The following VPS13B variants were observed in gnomAD, a reference collection of about 807,000 sequenced individuals.
VPS13B encodes the protein vacuolar protein sorting 13 homolog B.
In VPS13B, 285 loss-of-function variants were observed where a neutral mutation model predicts 426.4. The observed-to-expected ratio is 0.67, with a 90% CI of 0.61 to 0.74. VPS13B has a LOEUF of 0.74. Among genes scored for constraint, VPS13B ranks in the 30% least tolerant of loss-of-function variants. VPS13B has a pLI of 0.00. For missense variants in VPS13B, 4,537 were observed against 4,782.6 expected (o/e 0.95, Z 1.51); for synonymous variants, 1,676 against 1,676.4 (o/e 1.00, Z 0.01).
chr8:99,256,142 C>T (rs536095879), intron 17 of VPS13B, among the ~76,000 whole-genome samples: 59 of 152,220 alleles, frequency 3.9e-4, no homozygotes, highest in African/African-American at 1.3e-3. Context: ...TGTCTGTACC[C>T]ATTGGCCTTT....
At chr8:99,086,444 C>T (rs1396574864) in intron 3 of VPS13B, among the ~76,000 whole-genome samples, 2 of 152,104 alleles carry the variant, frequency 1.3e-5, no homozygotes, top group African/African-American at 4.8e-5. Flanking sequence ...CGTCTGAAGC[C>T]TTCTTCTCTC....
rs371406740 is a variant in VPS13B, at chr8:99,068,057, T to C, written c.292-28255T>C. Among the ~76,000 whole-genome samples, 8 of 152,326 alleles carry C rather than the reference T, an allele frequency of 5.3e-5. No individual in the cohort carries two copies. The East Asian group carries it at 1.3e-3, about 26-fold the overall frequency. On this transcript the variant is annotated intron_variant, in intron 3 of 61. Coordinates refer to ENST00000357162, the MANE Select transcript of VPS13B (RefSeq NM_152564.5). ...TTATGTAGCTCTTACGTGTATTATT[T>C]ATTTTCCGAAATATTTGTATTTTTC... is the stretch of plus-strand genomic sequence containing the variant.
At chr8:99,621,852 A>T (rs1342212775) in intron 33 of VPS13B, among the ~76,000 whole-genome samples, 1 of 113,544 alleles carries the variant, frequency 8.8e-6, no homozygotes, top group African/African-American at 3.6e-5. Flanking sequence ...TTTGAGACAG[A>T]GTCTCGCTCT....
At chr8:99,591,572 G>T (rs1288578293) in intron 33 of VPS13B, among the ~76,000 whole-genome samples, 1 of 152,010 alleles carries the variant, frequency 6.6e-6, no homozygotes, top group South Asian at 2.1e-4. Context: ...CTCAGCATTT[G>T]CTTGTCTGTA....
chr8:99,217,053 GTTTTCTGTTTACTCTTTTCATTA>G (rs1187954832), intron 17 of VPS13B, among the ~76,000 whole-genome samples: 2 of 151,618 alleles, frequency 1.3e-5, no homozygotes, highest in African/African-American at 2.4e-5. Flanking sequence ...AAAATGTTGT[GTTTTCTGTTTACTCTTTTCATTA>G]TTTTCTGTTT....
chr8:99,380,990 C>T (rs1813768557), intron 19 of VPS13B, among the ~76,000 whole-genome samples: 3 of 151,238 alleles, frequency 2.0e-5, no homozygotes. Context: ...ATTATATTAC[C>T]ACCCAGGTAC....
At chr8:99,099,027 A>G (rs146797280) in intron 4 of VPS13B, among the ~76,000 whole-genome samples, 7 of 150,986 alleles carry the variant, frequency 4.6e-5, no homozygotes, top group African/African-American at 1.2e-4. Context: ...TTTTCCCTTT[A>G]TTTCATTGTC....
chr8:99,511,436 A>G lies in VPS13B; in HGVS notation c.4557A>G (p.Leu1519=), dbSNP rs1821781779. Residue 1519 remains leucine, a synonymous_variant, in exon 29 of 62, where the codon TTA becomes TTG. Coordinates refer to ENST00000357162, the MANE Select transcript of VPS13B (RefSeq NM_152564.5). ...MRTHTLTSRN[L]PLIYVNTSVI... is the part of the protein sequence containing the mutation. ...CCCATACACTGACATCCCGCAATTT[A>G]CCTTTGATTTATGTCAACACAAGTG... The G allele has an allele frequency of 6.2e-7, 1 of 1,613,136 alleles. No individual in the cohort carries two copies. Among genetic ancestry groups the G allele is most frequent in the Non-Finnish European group, 8.5e-7 (1 of 1,179,870 alleles).
intron 19 of VPS13B, among the ~76,000 whole-genome samples, chr8:99,358,907 C>T (rs936183313): frequency 6.6e-6 from 1 of 152,036 alleles, no homozygotes; most frequent in East Asian, 1.9e-4. Flanking sequence ...TTAATATTTC[C>T]GTAAGGTTTT....
chr8:99,189,505 C>T (rs1324273354), intron 16 of VPS13B, among the ~76,000 whole-genome samples: 4 of 149,632 alleles, frequency 2.7e-5, no homozygotes, highest in Non-Finnish European at 4.4e-5. Context: ...ACATTGTGCA[C>T]GTTGTAGTTT....
intron 8 of VPS13B, among the ~76,000 whole-genome samples, chr8:99,134,368 C>A (rs1319902025): frequency 5.9e-5 from 9 of 152,220 alleles, no homozygotes; most frequent in Middle Eastern, 3.4e-3. Flanking sequence ...ACTGTTATTG[C>A]ACACAGCTTT....
At chr8:99,448,773 C>A (rs1818048720) in intron 23 of VPS13B, among the ~76,000 whole-genome samples, 1 of 152,102 alleles carries the variant, frequency 6.6e-6, no homozygotes, top group South Asian at 2.1e-4. Flanking sequence ...TGATATATTT[C>A]ATCTTCAGTC....
At chr8:99,065,110 A>G (rs1009556325) in intron 3 of VPS13B, among the ~76,000 whole-genome samples, 2 of 152,234 alleles carry the variant, frequency 1.3e-5, no homozygotes, top group Non-Finnish European at 2.9e-5. Flanking sequence ...TGAAGGAAGC[A>G]ATAAACATGG....
intron 19 of VPS13B, among the ~76,000 whole-genome samples, chr8:99,349,419 C>T (rs528406548): frequency 6.7e-6 from 1 of 148,432 alleles, no homozygotes; most frequent in East Asian, 2.0e-4. Context: ...GGAGGTACAA[C>T]TTAAGATCCC....
In VPS13B at chr8:99,868,454, A is replaced by C; in HGVS notation, c.11381A>C (p.Gln3794Pro). The change falls in exon 59 of 62, where the codon CAG (glutamine) becomes CCG (proline). Residue 3794 changes from glutamine (Q) to proline (P), a missense_variant. Gln to Pro is a moderately conservative substitution (Grantham distance 76). Around this residue, in one of 2 missense-constraint regions of VPS13B, gnomAD observed 4,311 missense variants for 4,474.3 expected, o/e 0.96. Transcript: ENST00000357162. ...GGAGGAGCTGCTGAGCTGGTGTCAC[A>C]GACTGGCTATGGTAAGTCGGTGGAA... ...PIGGAAELVSQTGYGILHGAG... is the reference protein window; with the variant it reads ...PIGGAAELVSPTGYGILHGAG... 6.2e-7 allele frequency: 1 copy of C among 1,612,366 alleles called. No homozygotes were observed. The highest frequency in any genetic ancestry group is 8.5e-7 in the Non-Finnish European group (1 of 1,179,290).
At chr8:99,265,669 T>C (rs1818255931) in intron 17 of VPS13B, among the ~76,000 whole-genome samples, 1 of 152,132 alleles carries the variant, frequency 6.6e-6, no homozygotes, top group Admixed American at 6.6e-5. Flanking sequence ...CGATCTGTAG[T>C]CACTAGATAA....
rs117274959 is a variant in VPS13B at position 99,558,419 on chromosome 8, A to G, written c.4949+1766A>G. On this transcript the variant is annotated intron_variant, in intron 31 of 61. Transcript: ENST00000357162. ...GACATCATGTTTTCTTTTTATTATT[A>G]TTATTATGCTTTTAAGTTCTAGGGT... Among the ~76,000 whole-genome samples the G allele has an allele frequency of 6.2e-4, 94 of 151,814 alleles. 3 individuals carry two copies. In the East Asian group the frequency reaches 0.018, roughly 28 times the overall value.
chr8:99,501,974 T>TTTCC (rs1554822937), intron 26 of VPS13B, 116 bp downstream of exon 26: 19 of 1,210,078 alleles, frequency 1.6e-5, no homozygotes, highest in Middle Eastern at 5.3e-4. Context: ...TCTGTCTGTC[T>TTTCC]TTCCGTCTGT....
intron 2 of VPS13B, among the ~76,000 whole-genome samples, chr8:99,028,618 G>C (rs1403206845): frequency 7.7e-6 from 1 of 129,782 alleles, no homozygotes; most frequent in African/African-American, 2.9e-5. Flanking sequence ...CCGGGCGGGG[G>C]GCTGACCCCC....
Sources: gnomAD v4.1 joint callset for allele counts (sites outside exome capture counted in the v4.1 genomes callset) on GRCh38, gnomAD v4.1.1 for gene constraint, gnomAD v4.1.1 regional missense constraint, MANE v1.5 for transcripts, NCBI Gene and HGNC (gene_info 2026-07-23, HGNC 2026-07-21) for gene names.